Variants in PIK3R2 observed in about 807,000 individuals in gnomAD.
PIK3R2 encodes the protein phosphoinositide-3-kinase regulatory subunit 2, also known as phosphatidylinositol 3-kinase regulatory subunit beta.
Under a neutral mutation model 78.5 loss-of-function variants are expected in PIK3R2, and 40 were observed. That is an observed-to-expected ratio of 0.51 (90% CI 0.40 to 0.66). PIK3R2 has a LOEUF of 0.66. Among genes scored for constraint, PIK3R2 ranks in the 30% least tolerant of loss-of-function variants. The pLI is 0.00. For synonymous variants in PIK3R2, 473 were observed against 457.7 expected (o/e 1.03, Z -0.43); for missense variants, 880 against 1,026.6 (o/e 0.86, Z 1.95).
Position 18,161,126 on chromosome 19 carries a change from C to G in PIK3R2, c.539C>G (p.Ala180Gly). The change falls in exon 5 of 16, where the codon GCA becomes GGA. Residue 180 changes from alanine to glycine, a missense_variant. Ala to Gly is a moderately conservative substitution (Grantham distance 60). Coordinates refer to ENST00000222254, the MANE Select transcript of PIK3R2 (RefSeq NM_005027.4). This position sits in a 1 kb window ranked among gnomAD's most constrained non-coding sequence, Gnocchi z 5.3. ...GACGGCATTAAGAGCTTCCTGCTGGCACTGCCCGCGCCGCTCGTGACCCCC... is the reference window on the plus strand; with the variant it reads ...GACGGCATTAAGAGCTTCCTGCTGGGACTGCCCGCGCCGCTCGTGACCCCC... Reference protein sequence around the residue: ...LADGIKSFLLALPAPLVTPEA... With the variant: ...LADGIKSFLLGLPAPLVTPEA... 6.4e-7 allele frequency: 1 copy of G among 1,571,508 alleles called. No individual in the cohort carries two copies. Among genetic ancestry groups the G allele is most frequent in the Non-Finnish European group, 8.6e-7 (1 of 1,159,312 alleles).
Position 18,162,115 on chromosome 19 carries a change from C to T in PIK3R2, c.901+64C>T, listed in dbSNP as rs2147951650. Reference sequence around the variant, plus strand: ...GGCCGTAAATACTGATCCCTGAGTGCTGCCGGCATCAGCAGGCTGGTTGCA... The same window carrying T: ...GGCCGTAAATACTGATCCCTGAGTGTTGCCGGCATCAGCAGGCTGGTTGCA... On this transcript the variant is annotated intron_variant, in intron 7 of 15. Coordinates refer to ENST00000222254, the MANE Select transcript of PIK3R2 (RefSeq NM_005027.4). 4 of 1,521,034 alleles carry T rather than the reference C, an allele frequency of 2.6e-6. No individual in the cohort carries two copies. In the South Asian group the frequency reaches 4.5e-5, roughly 17 times the overall value. 94.2% of individuals were successfully genotyped at this position (1,521,034 alleles called of 1,614,324 possible).
intron 3 of PIK3R2, 107 bp from the exon 4 acceptor site, chr19:18,160,812 T>C: frequency 7.4e-7 from 1 of 1,346,520 alleles, no homozygotes; most frequent in Non-Finnish European, 1.0e-6. Flanking sequence ...CATGCCCTTA[T>C]CTCTGGGCAG....
At chr19:18,165,378 A>AAG in intron 11 of PIK3R2, among the ~76,000 whole-genome samples, 1 of 151,120 alleles carries the variant, frequency 6.6e-6, no homozygotes, top group African/African-American at 2.4e-5. Flanking sequence ...AAAAAAAAAA[A>AAG]AAAAAATTAG....
rs1289371057 is a variant in PIK3R2, at chr19:18,168,786, C to T, written c.1869C>T (p.Tyr623=). The change falls in exon 15 of 16, where the codon TAC becomes TAT. Residue 623 remains tyrosine, a synonymous_variant. Coordinates refer to ENST00000222254, the MANE Select transcript of PIK3R2 (RefSeq NM_005027.4). This position sits in a 1 kb window ranked among gnomAD's most constrained non-coding sequence, Gnocchi z 4.1. Reference sequence around the variant, plus strand: ...CGCACCACGAGGAACGCACTTGGTACGTGGGCAAGATCAACCGCACGCAGG... The same window carrying T: ...CGCACCACGAGGAACGCACTTGGTATGTGGGCAAGATCAACCGCACGCAGG... ...DLPHHEERTW[Y]VGKINRTQAE... The T allele has an allele frequency of 1.2e-6, 2 of 1,613,836 alleles. No individual in the cohort carries two copies. Among genetic ancestry groups the T allele is most frequent in the Non-Finnish European group, 1.7e-6 (2 of 1,179,892 alleles).
chr19:18,165,152 G>A (rs891942597), intron 11 of PIK3R2, among the ~76,000 whole-genome samples: 2 of 150,886 alleles, frequency 1.3e-5, no homozygotes, highest in Non-Finnish European at 3.0e-5. Flanking sequence ...GGTGGATCAC[G>A]AGGTAAGGAG....
At position 18,168,457 on chromosome 19, in the gene PIK3R2, T is replaced by C; in HGVS notation, c.1737-18T>C. On this transcript the variant is annotated intron_variant, in intron 13 of 15. Transcript: ENST00000222254. This position sits in a 1 kb window ranked among gnomAD's most constrained non-coding sequence, Gnocchi z 4.1. ...ACCCACACAACTGCACAAGCCCACCTTTCCTGTTCCTTCTCAGGTGGCTCA... is the reference window on the plus strand; with the variant it reads ...ACCCACACAACTGCACAAGCCCACCCTTCCTGTTCCTTCTCAGGTGGCTCA... 1 of 778,834 alleles carries C rather than the reference T, an allele frequency of 1.3e-6. No homozygotes were observed. The highest frequency in any genetic ancestry group is 2.4e-5 in the East Asian group (1 of 41,218). The allele number at this position is 778,834 out of a possible 1,614,324, so 48.2% of individuals were successfully genotyped here.
At position 18,155,950 on chromosome 19, in the gene PIK3R2, A is replaced by T. The variant is rs2147944739; in HGVS notation, c.71A>T (p.Glu24Val). ...CGCCGGGAGCGGCCGGAGGACCTGG[A>T]GCTGCTGCCCGGCGACGTGCTGGTA... is the stretch of plus-strand genomic sequence containing the variant. ...PFRRERPEDL[E>V]LLPGDVLVVS... The change falls in exon 2 of 16, where the codon GAG becomes GTG. Residue 24 changes from glutamate to valine, a missense_variant. Glu to Val is a moderately radical substitution (Grantham distance 121, BLOSUM62 -2). Transcript: ENST00000222254. 1 of 1,571,066 alleles carries T rather than the reference A, an allele frequency of 6.4e-7. No homozygotes were observed. Among genetic ancestry groups the T allele is most frequent in the East Asian group, 2.4e-5 (1 of 42,414 alleles).
Position 18,166,157 on chromosome 19 carries a change from C to T in PIK3R2, c.1417-3C>T, listed in dbSNP as rs2147956404. 6.2e-7 allele frequency: 1 copy of T among 1,613,962 alleles called. No homozygotes were observed. Among genetic ancestry groups the T allele is most frequent in the Non-Finnish European group, 8.5e-7 (1 of 1,179,984 alleles). ...AGGTGCTGAGCTGCGCCCCCTCCTC[C>T]AGGAGCTGCAGATGAAGCGTACTGC... is the stretch of plus-strand genomic sequence containing the variant. On this transcript the variant is annotated splice_region_variant and splice_polypyrimidine_tract_variant and intron_variant, in intron 11 of 15. Coordinates refer to ENST00000222254, the MANE Select transcript of PIK3R2 (RefSeq NM_005027.4).
At chr19:18,166,931 T>C (rs1454737609) in intron 12 of PIK3R2, among the ~76,000 whole-genome samples, 199 bp from the exon 13 acceptor site, 1 of 151,826 alleles carries the variant, frequency 6.6e-6, no homozygotes, top group Non-Finnish European at 1.5e-5. Flanking sequence ...TCCCAGGAGT[T>C]TGAGACCAGC....
chr19:18,161,202 GC>G lies in PIK3R2; in HGVS notation c.598+20del. 6.5e-7 allele frequency: 1 copy of G among 1,540,468 alleles called. No homozygotes were observed. On this transcript the variant is annotated intron_variant, in intron 5 of 15. Transcript: ENST00000222254. The surrounding 1 kb of genome is among the most constrained non-coding windows in gnomAD (Gnocchi z 5.3). ...CCCTGCGGGGTGAGCCTGGCGGGTA[GC>G]CCGGGGGAAGGAGGGGGCTGTAGCG...
Position 18,162,200 on chromosome 19 carries a change from A to C in PIK3R2, c.902-2A>C, listed in dbSNP as rs2147951733. On this transcript the variant is annotated splice_acceptor_variant, in intron 7 of 15. Coordinates refer to ENST00000222254, the MANE Select transcript of PIK3R2 (RefSeq NM_005027.4). LOFTEE classifies it high-confidence loss of function. ...GGATGCATTTGTTTTCCTGTCCCCC[A>C]GCGCTGCCGCCTAAACCCCCCAAGG... 6.5e-7 allele frequency: 1 copy of C among 1,538,198 alleles called. No individual in the cohort carries two copies. Among genetic ancestry groups the C allele is most frequent in the Non-Finnish European group, 9.0e-7 (1 of 1,113,648 alleles).
intron 15 of PIK3R2, 69 bp from the exon 16 acceptor site, chr19:18,169,018 G>A: frequency 6.4e-7 from 1 of 1,566,592 alleles, no homozygotes; most frequent in Non-Finnish European, 8.7e-7. Context: ...GGGAGCACGC[G>A]GCCCTGGAAC....
rs908201487 is a variant in PIK3R2, at chr19:18,169,342, C to G, written c.*48C>G. 14 of 1,163,134 alleles carry G rather than the reference C, an allele frequency of 1.2e-5. No homozygotes were observed. Among genetic ancestry groups the G allele is most frequent in the Non-Finnish European group, 1.3e-5 (12 of 916,806 alleles). The allele number at this position is 1,163,134 out of a possible 1,614,324, so 72.1% of individuals were successfully genotyped here. On this transcript the variant is annotated 3_prime_UTR_variant, in exon 16 of 16. Coordinates refer to ENST00000222254, the MANE Select transcript of PIK3R2 (RefSeq NM_005027.4). ...AGAGCCGCCCCTGGGCCCGTCTGCGCCGGAGGCTGCGGCGGCGGGAGCCAC... is the reference window on the plus strand; with the variant it reads ...AGAGCCGCCCCTGGGCCCGTCTGCGGCGGAGGCTGCGGCGGCGGGAGCCAC...
chr19:18,157,989 G>A (rs1381822204), intron 2 of PIK3R2, among the ~76,000 whole-genome samples: 1 of 152,206 alleles, frequency 6.6e-6, no homozygotes, highest in Non-Finnish European at 1.5e-5. Flanking sequence ...GGATGCCGCC[G>A]GCACCCGCTA....
intron 1 of PIK3R2, among the ~76,000 whole-genome samples, chr19:18,154,636 C>T (rs1445391525): frequency 6.6e-6 from 1 of 152,144 alleles, no homozygotes; most frequent in Non-Finnish European, 1.5e-5. Context: ...AGGTATCTGG[C>T]CACCTGGCTG....
rs1328096543 is a variant in PIK3R2, at chr19:18,160,394, G to A, written c.323-77G>A. 5 of 912,584 alleles carry A rather than the reference G, an allele frequency of 5.5e-6. No homozygotes were observed. In the African/African-American group the frequency reaches 6.5e-5, roughly 12 times the overall value. 56.5% of individuals were successfully genotyped at this position (912,584 alleles called of 1,614,324 possible). ...CCTGCCTCAAACTGCCCCAGCTGAG[G>A]TTCAGCCAGCAAAGAGAGGGGCTGG... On this transcript the variant is annotated intron_variant, in intron 2 of 15. Transcript: ENST00000222254.
rs1474868707 is a variant in PIK3R2, at chr19:18,168,983, T to TC, written c.1979+90dup. The TC allele has an allele frequency of 5.1e-5, 80 of 1,555,472 alleles. No homozygotes were observed. The Middle Eastern group carries it at 1.5e-3, about 30-fold the overall frequency. On this transcript the variant is annotated intron_variant, in intron 15 of 15. Coordinates refer to ENST00000222254, the MANE Select transcript of PIK3R2 (RefSeq NM_005027.4). This position sits in a 1 kb window ranked among gnomAD's most constrained non-coding sequence, Gnocchi z 4.1. ...CCGCGTGCCAGGCCTTGGGAAGGAG[T>TC]CCCTGGTGGGGTCATCCGGGACAGG...
rs1339710394 is a variant in PIK3R2, at chr19:18,162,215, A to AC, written c.921dup (p.Lys308GlnfsTer22). 1.9e-6 allele frequency: 3 copies of AC among 1,576,558 alleles called. No individual in the cohort carries two copies. Among genetic ancestry groups the AC allele is most frequent in the African/African-American group, 1.3e-5 (1 of 74,134 alleles). On this transcript the variant is annotated frameshift_variant, in exon 8 of 16. Transcript: ENST00000222254. LOFTEE classifies it high-confidence loss of function. ...CCTGTCCCCCAGCGCTGCCGCCTAA[A>AC]CCCCCCAAGGCAAAGCCGGCCTCCA...
intron 11 of PIK3R2, among the ~76,000 whole-genome samples, chr19:18,164,092 C>T (rs1329192561): frequency 6.6e-6 from 1 of 152,136 alleles, no homozygotes; most frequent in African/African-American, 2.4e-5. Context: ...TGCTACTACA[C>T]TCCAGCCTGG....
Sources: allele counts gnomAD v4.1 joint callset (sites outside exome capture counted in the v4.1 genomes callset), GRCh38; gene constraint gnomAD v4.1.1; non-coding constraint Gnocchi (gnomAD v3.1); transcripts MANE v1.5; gene names NCBI Gene and HGNC (gene_info 2026-07-23, HGNC 2026-07-21).